DLG2: variants seen among roughly 807,000 people sequenced by gnomAD.
The protein encoded by DLG2 is disks large homolog 2.
In DLG2, 45 loss-of-function variants were observed where a neutral mutation model predicts 132.5. The ratio of observed to expected loss-of-function variants is 0.34; its 90% CI spans 0.27 to 0.44. The LOEUF (loss-of-function observed/expected upper bound fraction) is 0.44, where lower values mean the gene tolerates loss of function less well. Among genes scored for constraint, DLG2 ranks in the 20% least tolerant of loss-of-function variants. The pLI is 1.00. For missense variants in DLG2, 1,045 were observed against 1,196.9 expected (o/e 0.87, Z 1.87); for synonymous variants, 424 against 419.6 (o/e 1.01, Z -0.13).
intron 19 of DLG2, among the ~76,000 whole-genome samples, chr11:83,623,758 G>A (rs555710469): frequency 6.6e-6 from 1 of 152,364 alleles, no homozygotes; most frequent in East Asian, 1.9e-4. Flanking sequence ...TTAAGGACAA[G>A]TGATTTCTGT....
chr11:85,100,629 G>A (rs1455411204), intron 6 of DLG2, among the ~76,000 whole-genome samples: 3 of 152,104 alleles, frequency 2.0e-5, no homozygotes, highest in Non-Finnish European at 4.4e-5. Context: ...ACCAGTAACA[G>A]TACACCACCC....
intron 7 of DLG2, chr11:84,273,039 A>C: frequency 1.0e-6 from 1 of 954,148 alleles, no homozygotes. Context: ...CAGAGAAAAT[A>C]ACTATGATCA....
At chr11:83,646,111 C>G (rs2068077851) in intron 18 of DLG2, among the ~76,000 whole-genome samples, 1 of 152,114 alleles carries the variant, frequency 6.6e-6, no homozygotes, top group African/African-American at 2.4e-5. Context: ...ATCAAGCTAG[C>G]TCGGTTCAGT....
At chr11:83,476,159 A>T (rs760884503) in intron 22 of DLG2, among the ~76,000 whole-genome samples, 15 of 152,256 alleles carry the variant, frequency 9.9e-5, no homozygotes, top group South Asian at 4.1e-4. Flanking sequence ...TTTTGTTTTT[A>T]GTGCCTGCAT....
At chr11:85,499,673 T>A (rs190855288) in intron 3 of DLG2, among the ~76,000 whole-genome samples, 1 of 152,286 alleles carries the variant, frequency 6.6e-6, no homozygotes, top group East Asian at 1.9e-4. Context: ...ATAACCCTGA[T>A]GAATATTGAC....
chr11:84,873,239 T>G (rs2156517), intron 6 of DLG2, among the ~76,000 whole-genome samples: 3 of 151,918 alleles, frequency 2.0e-5, no homozygotes, highest in Non-Finnish European at 2.9e-5. Flanking sequence ...GAAGATGTGA[T>G]GACAGAAGCA....
intron 6 of DLG2, among the ~76,000 whole-genome samples, chr11:84,673,804 G>C (rs1323308723): frequency 6.6e-6 from 1 of 151,974 alleles, no homozygotes; most frequent in Admixed American, 6.6e-5. Context: ...ATAACTTATA[G>C]GGACTTCCTC....
chr11:84,857,805 T>C (rs1366337679), intron 6 of DLG2, among the ~76,000 whole-genome samples: 1 of 152,084 alleles, frequency 6.6e-6, no homozygotes, highest in Admixed American at 6.6e-5. Context: ...GTTGTTTGGA[T>C]CTGTAGCTTG....
chr11:84,367,320 T>G (rs111783652), intron 7 of DLG2, among the ~76,000 whole-genome samples: 8 of 152,096 alleles, frequency 5.3e-5, no homozygotes, highest in Non-Finnish European at 1.0e-4. Flanking sequence ...ATTCTGCCAC[T>G]GTAGCACGAA....
At chr11:85,247,665 G>C (rs1051115252) in intron 4 of DLG2, among the ~76,000 whole-genome samples, 1 of 151,914 alleles carries the variant, frequency 6.6e-6, no homozygotes, top group Admixed American at 6.6e-5. Context: ...CATACCCAGA[G>C]GACTTATTCA....
At chr11:85,284,274 T>C (rs1296057041) in intron 4 of DLG2, among the ~76,000 whole-genome samples, 64 of 151,898 alleles carry the variant, frequency 4.2e-4, no homozygotes. Context: ...ATTGTCATGA[T>C]TAACTTTTTT....
chr11:83,664,496 T>C (rs2075097085), intron 18 of DLG2, among the ~76,000 whole-genome samples: 2 of 150,978 alleles, frequency 1.3e-5, no homozygotes, highest in African/African-American at 4.9e-5. Context: ...ACAGGTAGAG[T>C]TGGGTGGCTT....
chr11:84,755,195 G>C (rs1268921911), intron 6 of DLG2, among the ~76,000 whole-genome samples: 1 of 152,158 alleles, frequency 6.6e-6, no homozygotes, highest in Non-Finnish European at 1.5e-5. Flanking sequence ...GTCACAGTTA[G>C]TCACAAATTT....
At chr11:83,779,722 G>A (rs2094729556) in intron 18 of DLG2, among the ~76,000 whole-genome samples, 1 of 152,104 alleles carries the variant, frequency 6.6e-6, no homozygotes, top group Non-Finnish European at 1.5e-5. Context: ...GAGTAAACTT[G>A]ACAAGATTAT....
At chr11:84,861,346 A>T (rs2083596504) in intron 6 of DLG2, among the ~76,000 whole-genome samples, 1 of 152,082 alleles carries the variant, frequency 6.6e-6, no homozygotes, top group South Asian at 2.1e-4. Flanking sequence ...GTATGGCTAG[A>T]TTCAGATCCA....
intron 6 of DLG2, among the ~76,000 whole-genome samples, chr11:84,887,867 T>G (rs1457722173): frequency 3.9e-5 from 6 of 152,128 alleles, no homozygotes; most frequent in Non-Finnish European, 8.8e-5. Flanking sequence ...TCCTTTCAGT[T>G]TCCTCAAGCA....
intron 19 of DLG2, among the ~76,000 whole-genome samples, chr11:83,616,566 T>C (rs2060851322): frequency 6.6e-6 from 1 of 152,200 alleles, no homozygotes; most frequent in Non-Finnish European, 1.5e-5. Flanking sequence ...CTTTTCCAGA[T>C]GTCTGGATTA....
intron 17 of DLG2, among the ~76,000 whole-genome samples, chr11:83,802,401 T>C (rs1002252552): frequency 6.6e-6 from 1 of 152,142 alleles, no homozygotes. Context: ...GGCTGACAGA[T>C]TCCCTTTGGT....
intron 15 of DLG2, among the ~76,000 whole-genome samples, chr11:83,920,720 G>A (rs777396675): frequency 3.3e-5 from 5 of 152,110 alleles, no homozygotes; most frequent in Admixed American, 6.6e-5. Flanking sequence ...GGTACCCCAT[G>A]AGATTGATAC....
Sources: gnomAD v4.1 joint callset for allele counts (sites outside exome capture counted in the v4.1 genomes callset) on GRCh38, gnomAD v4.1.1 for gene constraint, MANE v1.5 for transcripts, NCBI Gene and HGNC (gene_info 2026-07-23, HGNC 2026-07-21) for gene names.